POMZP3: variants seen among roughly 807,000 people sequenced by gnomAD.
POMZP3 encodes the protein POM121 and ZP3 fusion, also known as POM121 and ZP3 fusion protein.
POMZP3 carries 10 observed loss-of-function variants against 19.8 expected under a neutral mutation model. That is an observed-to-expected ratio of 0.51 (90% CI 0.31 to 0.86). The LOEUF is 0.86. Among genes scored for constraint, POMZP3 ranks in the 40% least tolerant of loss-of-function variants. The pLI is 0.04. For synonymous variants in POMZP3, 57 were observed against 85.8 expected, an observed-to-expected ratio of 0.66 and a Z score of 1.85; for missense variants, 152 against 228.1, an observed-to-expected ratio of 0.67 and a Z score of 2.15.
rs1277716135 is a variant in POMZP3, at chr7:76,626,767, G to T, written c.-211C>A. On this transcript the variant is annotated 5_prime_UTR_variant, in exon 1 of 7. Transcript: ENST00000310842. ...GAGTGGGGAGAGAGGGGTAAAAGTGGTGAACGCGATGGGTCGGCGGGGAGG... is the reference window on the plus strand; with the variant it reads ...GAGTGGGGAGAGAGGGGTAAAAGTGTTGAACGCGATGGGTCGGCGGGGAGG... 6.1e-5 allele frequency: 85 copies of T among 1,391,594 alleles called. 2 individuals are homozygous for T. In the Admixed American group the frequency reaches 2.8e-3, roughly 46 times the overall value. 86.2% of individuals were successfully genotyped at this position (1,391,594 alleles called of 1,614,324 possible).
rs1815354796 is a variant in POMZP3 at position 76,618,221 on chromosome 7, C to T, written c.307G>A (p.Val103Met). 6.2e-7 allele frequency: 1 copy of T among 1,612,814 alleles called. No individual in the cohort carries two copies. Among genetic ancestry groups the T allele is most frequent in the South Asian group, 1.1e-5 (1 of 91,040 alleles). Residue 103 changes from valine (V) to methionine (M), a missense_variant, in exon 4 of 7, where the codon GTG (valine) becomes ATG (methionine). Physicochemically the swap from Val to Met is conservative, Grantham distance 21. Transcript: ENST00000310842. ...TCATTAGCAAAGTGGAAGACATCCA[C>T]TGTGAACTGGAGTGTATCTGGCCCG... ...RPGPDTLQFT[V>M]DVFHFANDSR...
In POMZP3 at chr7:76,611,796, GT is replaced by G; in HGVS notation, c.362del (p.His121ProfsTer2). Reference protein sequence around the residue: ...DSRNMIYITCHLKVTLAEQDP... With the variant: ...DSRNMIYITCXLKVTLAEQDP... ...CCTGCTCAGCTAGGGTGACCTTCAG[GT>G]GGCAGGTGATGTATATCTGCAAGGA... is the stretch of plus-strand genomic sequence containing the variant. On this transcript the variant is annotated frameshift_variant, in exon 5 of 7. Coordinates refer to ENST00000310842, the MANE Select transcript of POMZP3 (RefSeq NM_012230.5). LOFTEE classifies it high-confidence loss of function. 1.1e-5 allele frequency: 18 copies of G among 1,580,500 alleles called. No individual in the cohort carries two copies. Among genetic ancestry groups the G allele is most frequent in the Non-Finnish European group, 1.4e-5 (16 of 1,157,880 alleles).
At chr7:76,616,167 C>T (rs555212917) in intron 4 of POMZP3, among the ~76,000 whole-genome samples, 1 of 141,238 alleles carries the variant, frequency 7.1e-6, no homozygotes, top group East Asian at 2.1e-4. Context: ...GCCTGCAATC[C>T]CAGCTACTCA....
intron 3 of POMZP3, among the ~76,000 whole-genome samples, chr7:76,620,717 C>T (rs1242690551): frequency 1.3e-5 from 2 of 151,944 alleles, no homozygotes; most frequent in Non-Finnish European, 2.9e-5. Flanking sequence ...ATCTGCCTGC[C>T]TCAGCCTCCC....
At chr7:76,626,381 G>A (rs1374121232) in intron 1 of POMZP3, 166 bp from the exon 2 acceptor site, 14 of 658,658 alleles carry the variant, frequency 2.1e-5, no homozygotes, top group Non-Finnish European at 3.3e-5. Flanking sequence ...TTCCATCTAA[G>A]AGCAGAGAGT....
At chr7:76,611,898 C>G in intron 4 of POMZP3, 85 bp from the exon 5 acceptor site, 2 of 1,538,156 alleles carry the variant, frequency 1.3e-6, no homozygotes, top group Non-Finnish European at 1.8e-6. Context: ...AACCCTCAAC[C>G]CTTTAAAGAG....
In POMZP3 at chr7:76,624,976, C is replaced by CA. The variant is rs571373914; in HGVS notation, c.227+545dup. ...TGAAACCCTGTCTCTACTAAAAATACAAAAAAATTAGCCGGGCATGGTGGC... is the reference window on the plus strand; with the variant it reads ...TGAAACCCTGTCTCTACTAAAAATACAAAAAAAATTAGCCGGGCATGGTGGC... On this transcript the variant is annotated intron_variant, in intron 3 of 6. Transcript: ENST00000310842. Among the ~76,000 whole-genome samples, 88 of 150,792 alleles carry CA rather than the reference C, an allele frequency of 5.8e-4. 1 individual carries two copies. The East Asian group carries it at 0.016, about 27-fold the overall frequency.
At chr7:76,622,576 G>A (rs1754223) in intron 3 of POMZP3, among the ~76,000 whole-genome samples, 1,676 of 151,468 alleles carry the variant, frequency 0.011, 22 homozygotes, top group African/African-American at 0.038. Flanking sequence ...ATCTTGGCCA[G>A]GCTGGTCTTG....
intron 4 of POMZP3, 70 bp from the exon 5 acceptor site, chr7:76,611,883 C>G: frequency 6.6e-7 from 1 of 1,516,916 alleles, no homozygotes; most frequent in Non-Finnish European, 9.0e-7. Flanking sequence ...CACCAGTTCT[C>G]TTATAACCCT....
intron 3 of POMZP3, among the ~76,000 whole-genome samples, chr7:76,625,219 C>T (rs1405949124): frequency 6.7e-6 from 1 of 148,692 alleles, no homozygotes; most frequent in Non-Finnish European, 1.5e-5. Context: ...GACTTAGAGC[C>T]TTCTTTCTTG....
intron 4 of POMZP3, among the ~76,000 whole-genome samples, chr7:76,617,332 C>T (rs1169297945): frequency 1.0e-5 from 1 of 96,654 alleles, no homozygotes; most frequent in Non-Finnish European, 2.1e-5. Flanking sequence ...CTGGCACCTG[C>T]ACTTCCTACT....
At chr7:76,616,619 G>A (rs1168187169) in intron 4 of POMZP3, among the ~76,000 whole-genome samples, 1 of 96,120 alleles carries the variant, frequency 1.0e-5, no homozygotes, top group African/African-American at 4.2e-5. Flanking sequence ...CACTTTTGGA[G>A]GCCGATGCAG....
intron 6 of POMZP3, among the ~76,000 whole-genome samples, chr7:76,610,549 G>A (rs958935178): frequency 2.6e-5 from 4 of 151,910 alleles, no homozygotes; most frequent in Non-Finnish European, 5.9e-5. Context: ...CTACTTGGGA[G>A]GCTGAGGCAG....
chr7:76,627,168 G>A lies in POMZP3; in HGVS notation c.-612C>T. On this transcript the variant is annotated 5_prime_UTR_variant, in exon 1 of 7. Coordinates refer to ENST00000310842, the MANE Select transcript of POMZP3 (RefSeq NM_012230.5). ...GTAGGAGGCCGACCAGCGACAGGCC[G>A]AGAAGCGCCGCCCCGGCCGGCCCTG... 2 of 1,446,666 alleles carry A rather than the reference G, an allele frequency of 1.4e-6. No homozygotes were observed. Among genetic ancestry groups the A allele is most frequent in the South Asian group, 1.3e-5 (1 of 74,940 alleles). 89.6% of individuals were successfully genotyped at this position (1,446,666 alleles called of 1,614,324 possible).
intron 3 of POMZP3, among the ~76,000 whole-genome samples, chr7:76,621,966 A>G (rs1317916130): frequency 8.7e-6 from 1 of 115,210 alleles, no homozygotes; most frequent in Non-Finnish European, 1.9e-5. Context: ...TAAATAAATA[A>G]ATAAATAAAA....
intron 1 of POMZP3, 28 bp from the exon 2 acceptor site, chr7:76,626,243 A>C (rs1815888689): frequency 6.6e-6 from 10 of 1,518,092 alleles, no homozygotes; most frequent in Non-Finnish European, 8.9e-6. Flanking sequence ...CAAATCATGG[A>C]AACAAAGTAT....
chr7:76,617,061 G>C lies in POMZP3; in HGVS notation c.345+1122C>G, dbSNP rs1221815990. Among the ~76,000 whole-genome samples, 8 of 96,950 alleles carry C rather than the reference G, an allele frequency of 8.3e-5. 4 individuals are homozygous for C. The highest frequency in any genetic ancestry group is 1.4e-4 in the Non-Finnish European group (6 of 44,190). 63.6% of individuals were successfully genotyped at this position (96,950 alleles called of 152,430 possible). On this transcript the variant is annotated intron_variant, in intron 4 of 6. Transcript: ENST00000310842. ...TGTACTCCCAGCTACTTGGGAGACT[G>C]AGGCAGGAGAATCACTTGAACCTGG...
At chr7:76,620,770 T>C (rs2116869607) in intron 3 of POMZP3, among the ~76,000 whole-genome samples, 1 of 151,284 alleles carries the variant, frequency 6.6e-6, no homozygotes, top group East Asian at 2.0e-4. Flanking sequence ...CCCAGATGGG[T>C]GAGCCCTTTC....
At chr7:76,620,894 A>T (rs1385812860) in intron 3 of POMZP3, among the ~76,000 whole-genome samples, 9 of 101,776 alleles carry the variant, frequency 8.8e-5, no homozygotes, top group South Asian at 3.9e-4. Context: ...TTTGAGACAG[A>T]GTCTCTCTGT....
Sources: allele counts gnomAD v4.1 joint callset (sites outside exome capture counted in the v4.1 genomes callset), GRCh38; gene constraint gnomAD v4.1.1; transcripts MANE v1.5; gene names NCBI Gene and HGNC (gene_info 2026-07-23, HGNC 2026-07-21).